Variants in SCYL2 observed in about 807,000 individuals in gnomAD.
SCYL2 encodes SCY1-like protein 2.
Under a neutral mutation model 100.4 loss-of-function variants are expected in SCYL2, and 36 were observed. The observed-to-expected ratio is 0.36, with a 90% confidence interval of 0.27 to 0.47. The LOEUF (loss-of-function observed/expected upper bound fraction) is 0.47, where lower values mean the gene tolerates loss of function less well. Among genes scored for constraint, SCYL2 ranks in the 20% least tolerant of loss-of-function variants. The pLI is 1.00. For missense variants in SCYL2, 902 were observed against 1,083.9 expected, an observed-to-expected ratio of 0.83 and a Z score of 2.36; for synonymous variants, 330 against 359.2, an observed-to-expected ratio of 0.92 and a Z score of 0.92.
intron 2 of SCYL2, among the ~76,000 whole-genome samples, chr12:100,284,555 C>A (rs2135836480): frequency 6.6e-6 from 1 of 152,222 alleles, no homozygotes; most frequent in Non-Finnish European, 1.5e-5. Flanking sequence ...CTCTGCCTCC[C>A]AGGTTGAAGC....
Position 100,302,466 on chromosome 12 carries a change from C to T in SCYL2, c.480+4291C>T, listed in dbSNP as rs182882238. On this transcript the variant is annotated intron_variant, in intron 4 of 17. Transcript: ENST00000360820. Reference sequence around the variant, plus strand: ...GGCAGGCCTGGTGGTGACAAAATCTCGCAACTTTTGCTTGTCTGTGTAGGA... The same window carrying T: ...GGCAGGCCTGGTGGTGACAAAATCTTGCAACTTTTGCTTGTCTGTGTAGGA... 5.6e-4 allele frequency among the ~76,000 whole-genome samples: 86 copies of T among 152,292 alleles called. 2 individuals are homozygous for T. Among genetic ancestry groups the T allele is most frequent in the African/African-American group, 2.0e-3 (82 of 41,560 alleles).
At chr12:100,318,528 C>T (rs568302964) in intron 10 of SCYL2, among the ~76,000 whole-genome samples, 112 of 152,122 alleles carry the variant, frequency 7.4e-4, no homozygotes, top group African/African-American at 2.5e-3. Flanking sequence ...GACAGGGTTT[C>T]GCCATTTTGG....
At chr12:100,273,954 A>G (rs1341058012) in intron 1 of SCYL2, among the ~76,000 whole-genome samples, 1 of 152,224 alleles carries the variant, frequency 6.6e-6, no homozygotes, top group East Asian at 1.9e-4. Context: ...ATGGTTTTAA[A>G]TAGAATTTTG....
At chr12:100,325,494 C>T (rs1164183650) in intron 11 of SCYL2, among the ~76,000 whole-genome samples, 2 of 152,260 alleles carry the variant, frequency 1.3e-5, no homozygotes, top group African/African-American at 4.8e-5. Flanking sequence ...CTTCTGCCTA[C>T]CTTCAGAGTG....
chr12:100,306,326 G>A lies in SCYL2; in HGVS notation c.481-4718G>A, dbSNP rs1028616081. Among the ~76,000 whole-genome samples, 13 of 152,146 alleles carry A rather than the reference G, an allele frequency of 8.5e-5. No homozygotes were observed. The East Asian group carries it at 9.6e-4, about 11-fold the overall frequency. On this transcript the variant is annotated intron_variant, in intron 4 of 17. Transcript: ENST00000360820. ...CACCATGATCAAGTCGGCTTCATCC[G>A]TGGGATGCAAGGCTGGTTCAACATA... is the stretch of plus-strand genomic sequence containing the variant.
intron 8 of SCYL2, 48 bp from the exon 9 acceptor site, chr12:100,315,510 C>A (rs1255625032): frequency 6.7e-7 from 1 of 1,495,170 alleles, no homozygotes; most frequent in East Asian, 2.4e-5. Context: ...ATACTAAAAA[C>A]CTTTAATAAA....
chr12:100,334,407 T>A (rs1952250012), intron 14 of SCYL2, 141 bp downstream of exon 14: 1 of 644,250 alleles, frequency 1.6e-6, no homozygotes, highest in African/African-American at 1.8e-5. Context: ...TTTACCATCA[T>A]GTTAATAAGT....
At chr12:100,338,308 T>C (rs576191876) in intron 17 of SCYL2, among the ~76,000 whole-genome samples, 1 of 152,292 alleles carries the variant, frequency 6.6e-6, no homozygotes, top group East Asian at 1.9e-4. Flanking sequence ...TTACAGTTAG[T>C]GTTCCCTATC....
In SCYL2 at chr12:100,291,538, T is replaced by G; in HGVS notation, c.213T>G (p.Ile71Met). ...TTTTTGTCTTTGATAAAAAACTGAT[T>G]GACAAGTATCAAAAATTTGAAAAGG... The part of the protein sequence containing the change: ...VAVFVFDKKL[I>M]DKYQKFEKDQ... The change falls in exon 3 of 18, where the codon ATT (isoleucine) becomes ATG (methionine). Residue 71 changes from isoleucine to methionine, a missense_variant. Coordinates refer to ENST00000360820, the MANE Select transcript of SCYL2 (RefSeq NM_017988.6). The G allele has an allele frequency of 1.3e-6, 2 of 1,578,546 alleles. No homozygotes were observed. Among genetic ancestry groups the G allele is most frequent in the South Asian group, 1.2e-5 (1 of 81,018 alleles).
At position 100,337,390 on chromosome 12, in the gene SCYL2, T is replaced by A. The variant is rs1372353788; in HGVS notation, c.2029T>A (p.Ser677Thr). The change falls in exon 17 of 18, where the codon TCA (serine) becomes ACA (threonine). Residue 677 changes from serine to threonine, a missense_variant. Ser to Thr is a moderately conservative substitution (Grantham distance 58). Coordinates refer to ENST00000360820, the MANE Select transcript of SCYL2 (RefSeq NM_017988.6). ...DGLQNKHKRA[S>T]LTLEEKQKLA... ...TTTTGCTTTATTTTGTTTTAAGGCA[T>A]CACTTACACTTGAAGAAAAACAAAA... The A allele has an allele frequency of 6.2e-7, 1 of 1,600,294 alleles. No individual in the cohort carries two copies.
At chr12:100,300,668 G>A (rs1480252736) in intron 4 of SCYL2, among the ~76,000 whole-genome samples, 3 of 151,930 alleles carry the variant, frequency 2.0e-5, no homozygotes, top group Non-Finnish European at 4.4e-5. Flanking sequence ...CCAGCCTCTG[G>A]TAACCATCCT....
chr12:100,283,486 AT>A (rs766950541), intron 2 of SCYL2, among the ~76,000 whole-genome samples: 1 of 152,068 alleles, frequency 6.6e-6, no homozygotes, highest in Non-Finnish European at 1.5e-5. Flanking sequence ...TGTTTCTTAA[AT>A]TTTCTTTTCA....
intron 14 of SCYL2, 65 bp from the exon 15 acceptor site, chr12:100,335,560 T>G: frequency 8.8e-7 from 1 of 1,141,082 alleles, no homozygotes; most frequent in Non-Finnish European, 1.3e-6. Context: ...AAATAATTTT[T>G]GGCATGAGTA....
In SCYL2 at chr12:100,283,158, A is replaced by G; in HGVS notation, c.177+11A>G. ...AAGTCAACAAAGCAGGTGAGTTTTA[A>G]TTCAGCATCCACTTGGAAAAAACCC... On this transcript the variant is annotated intron_variant, in intron 2 of 17. Coordinates refer to ENST00000360820, the MANE Select transcript of SCYL2 (RefSeq NM_017988.6). The G allele has an allele frequency of 6.3e-7, 1 of 1,581,468 alleles. No individual in the cohort carries two copies. The highest frequency in any genetic ancestry group is 1.4e-5 in the African/African-American group (1 of 73,716).
chr12:100,322,871 A>AG (rs1310831046), intron 10 of SCYL2, among the ~76,000 whole-genome samples: 1 of 151,318 alleles, frequency 6.6e-6, no homozygotes, highest in Non-Finnish European at 1.5e-5. Flanking sequence ...AAAAAAAAAA[A>AG]AAAAAAATTA....
rs760124743 is a variant in SCYL2 at position 100,283,076 on chromosome 12, C to G, written c.106C>G (p.Arg36Gly). 1 of 1,612,840 alleles carries G rather than the reference C, an allele frequency of 6.2e-7. No individual in the cohort carries two copies. ...TGTCACTAGAGAATTTGATGTTGGT[C>G]GACACATTGCCAGTGGTGGCAATGG... ...NPVTREFDVG[R>G]HIASGGNGLA... The change falls in exon 2 of 18, where the codon CGA becomes GGA. Residue 36 changes from arginine (R) to glycine (G), a missense_variant. Physicochemically the swap from Arg to Gly is moderately radical, Grantham distance 125. Transcript: ENST00000360820.
At chr12:100,268,366 G>A (rs927253142) in intron 1 of SCYL2, among the ~76,000 whole-genome samples, 17 of 152,082 alleles carry the variant, frequency 1.1e-4, no homozygotes, top group Non-Finnish European at 4.4e-5. Context: ...TTGAAAGTCA[G>A]GTGCTTGAAG....
chr12:100,288,956 C>A (rs1444655950), intron 2 of SCYL2, among the ~76,000 whole-genome samples: 1 of 151,710 alleles, frequency 6.6e-6, no homozygotes. Context: ...TTTGGAGTAC[C>A]CAGGCCTCCC....
chr12:100,330,142 GA>G (rs1434060132), intron 13 of SCYL2, among the ~76,000 whole-genome samples: 1 of 152,168 alleles, frequency 6.6e-6, no homozygotes, highest in Non-Finnish European at 1.5e-5. Context: ...ACCATTTTAA[GA>G]GTCTATATAT....
Sources: gnomAD v4.1 joint callset for allele counts (sites outside exome capture counted in the v4.1 genomes callset) on GRCh38, gnomAD v4.1.1 for gene constraint, MANE v1.5 for transcripts, NCBI Gene and HGNC (gene_info 2026-07-23, HGNC 2026-07-21) for gene names.